Variants in PLAG1 observed in about 807,000 individuals in gnomAD.
PLAG1 encodes PLAG1 zinc finger, also known as zinc finger protein PLAG1.
In PLAG1, 7 loss-of-function variants were observed where a neutral mutation model predicts 35.5. That is an observed-to-expected ratio of 0.20 (90% CI 0.11 to 0.37). PLAG1 has a LOEUF of 0.37. Ranked by LOEUF, PLAG1 falls within the 10% of genes least tolerant of loss-of-function variation. The pLI is 1.00. For missense variants in PLAG1, 454 were observed against 602.8 expected (o/e 0.75, Z 2.58); for synonymous variants, 229 against 225.4 (o/e 1.02, Z -0.14).
chr8:56,183,268 T>C (rs1414035595), intron 1 of PLAG1, among the ~76,000 whole-genome samples: 1 of 152,204 alleles, frequency 6.6e-6, no homozygotes, highest in Non-Finnish European at 1.5e-5. Context: ...GATAATTCAT[T>C]TAGAAAAATT....
intron 1 of PLAG1, among the ~76,000 whole-genome samples, chr8:56,180,289 C>T (rs1811826889): frequency 1.3e-5 from 2 of 152,136 alleles, no homozygotes; most frequent in South Asian, 2.1e-4. Flanking sequence ...TACATGGTTA[C>T]CACTCTCCTA....
intron 1 of PLAG1, among the ~76,000 whole-genome samples, chr8:56,187,771 T>C (rs1812063855): frequency 1.3e-5 from 2 of 152,178 alleles, no homozygotes. Context: ...AGATTTGTAT[T>C]AAAAGTGATA....
rs1212132627 is a variant in PLAG1 at position 56,196,945 on chromosome 8, AGTGTGCGTGTGTGTGTGT to A, written c.-322+14158_-322+14175del. Among the ~76,000 whole-genome samples, 303 of 84,198 alleles carry A rather than the reference AGTGTGCGTGTGTGTGTGT, an allele frequency of 3.6e-3. 2 individuals carry two copies. The highest frequency in any genetic ancestry group is 0.012 in the African/African-American group (286 of 24,208). 55.2% of individuals were successfully genotyped at this position (84,198 alleles called of 152,430 possible). On this transcript the variant is annotated intron_variant, in intron 1 of 4. Transcript: ENST00000316981. ...GGGTGCAGGCACCCTCTCCCTCCCT[AGTGTGCGTGTGTGTGTGT>A]GTGTGTGTGTGTGTGTGTGTGTGTG... is the stretch of plus-strand genomic sequence containing the variant.
chr8:56,182,839 G>A (rs1195233482), intron 1 of PLAG1, among the ~76,000 whole-genome samples: 1 of 152,188 alleles, frequency 6.6e-6, no homozygotes, highest in Non-Finnish European at 1.5e-5. Context: ...GAAGAATCAG[G>A]GTAGAATGGG....
intron 1 of PLAG1, among the ~76,000 whole-genome samples, chr8:56,198,591 C>A (rs1812452604): frequency 6.6e-6 from 1 of 152,226 alleles, no homozygotes; most frequent in Non-Finnish European, 1.5e-5. Flanking sequence ...GCCCGGTCCC[C>A]TATCTCGCTC....
intron 1 of PLAG1, among the ~76,000 whole-genome samples, chr8:56,183,853 A>G (rs981171432): frequency 1.4e-4 from 21 of 152,222 alleles, no homozygotes; most frequent in African/African-American, 5.1e-4. Flanking sequence ...CATGAACCTA[A>G]ATATAAAACC....
At chr8:56,195,022 T>C (rs1197185192) in intron 1 of PLAG1, among the ~76,000 whole-genome samples, 1 of 152,064 alleles carries the variant, frequency 6.6e-6, no homozygotes, top group Non-Finnish European at 1.5e-5. Flanking sequence ...CTGCTGAGGG[T>C]GCATATCTGA....
chr8:56,163,652 T>C lies in PLAG1; in HGVS notation c.*2591A>G, dbSNP rs775028637. Reference sequence around the variant, plus strand: ...TATTTGAATTTCATGCAGGGCAAGATTTAAGTATGTGTGTGTGTGTGTATA... The same window carrying C: ...TATTTGAATTTCATGCAGGGCAAGACTTAAGTATGTGTGTGTGTGTGTATA... On this transcript the variant is annotated 3_prime_UTR_variant, in exon 5 of 5. Coordinates refer to ENST00000316981, the MANE Select transcript of PLAG1 (RefSeq NM_002655.3). 5.2e-6 allele frequency: 1 copy of C among 192,936 alleles called. No individual in the cohort carries two copies. The highest frequency in any genetic ancestry group is 1.1e-5 in the Non-Finnish European group (1 of 92,590). 12.0% of individuals were successfully genotyped at this position (192,936 alleles called of 1,614,324 possible).
rs1811866436 is a variant in PLAG1 at position 56,181,625 on chromosome 8, AC to A, written c.-321-2113del. Among the ~76,000 whole-genome samples the A allele has an allele frequency of 2.6e-5, 4 of 152,266 alleles. No homozygotes were observed. In the South Asian group the frequency reaches 8.3e-4, roughly 32 times the overall value. ...TTAGGAGAAATACCTAATATAGATG[AC>A]GGGTTGATGGGTGCAACAAACCACC... On this transcript the variant is annotated intron_variant, in intron 1 of 4. Coordinates refer to ENST00000316981, the MANE Select transcript of PLAG1 (RefSeq NM_002655.3).
intron 2 of PLAG1, among the ~76,000 whole-genome samples, chr8:56,178,572 C>G (rs1390649352): frequency 6.6e-6 from 1 of 152,060 alleles, no homozygotes; most frequent in East Asian, 1.9e-4. Flanking sequence ...ATTCGTGTAC[C>G]TTTGATTTGA....
intron 1 of PLAG1, among the ~76,000 whole-genome samples, chr8:56,205,890 T>C (rs575673016): frequency 9.8e-4 from 149 of 151,956 alleles, no homozygotes; most frequent in Non-Finnish European, 1.7e-3. Flanking sequence ...ATTTTTTAGG[T>C]AGTCATCTCA....
intron 1 of PLAG1, among the ~76,000 whole-genome samples, chr8:56,194,601 ATGTGTGTT>A (rs1563389702): frequency 6.6e-6 from 1 of 150,602 alleles, no homozygotes; most frequent in African/African-American, 2.4e-5. Flanking sequence ...GTGTGAATGT[ATGTGTGTT>A]TGTGTGTGTG....
chr8:56,193,695 C>CT (rs760038291), intron 1 of PLAG1, among the ~76,000 whole-genome samples: 4,801 of 130,786 alleles, frequency 0.037, 139 homozygotes, highest in African/African-American at 0.06. Context: ...ATTAGGTAAA[C>CT]TTTTTTTTTT....
intron 1 of PLAG1, among the ~76,000 whole-genome samples, chr8:56,194,127 AAC>A (rs1376542520): frequency 6.6e-6 from 1 of 152,082 alleles, no homozygotes; most frequent in Non-Finnish European, 1.5e-5. Flanking sequence ...CAGCCTGGCC[AAC>A]ATAGCGAAAC....
chr8:56,207,194 G>C (rs950037076), intron 1 of PLAG1, among the ~76,000 whole-genome samples: 2 of 151,808 alleles, frequency 1.3e-5, no homozygotes, highest in Non-Finnish European at 2.9e-5. Context: ...CAGCTCAAGA[G>C]GCAAATGATT....
intron 2 of PLAG1, among the ~76,000 whole-genome samples, chr8:56,172,544 A>ACACAT (rs1448173267): frequency 1.3e-5 from 2 of 152,234 alleles, no homozygotes; most frequent in Non-Finnish European, 2.9e-5. Context: ...ATGTTATTTT[A>ACACAT]AGAATATAAA....
chr8:56,204,441 C>T (rs1312203556), intron 1 of PLAG1, among the ~76,000 whole-genome samples: 1 of 151,744 alleles, frequency 6.6e-6, no homozygotes, highest in African/African-American at 2.4e-5. Flanking sequence ...TGATCAAGAA[C>T]AATTCAATAA....
chr8:56,166,569 C>G lies in PLAG1; in HGVS notation c.1177G>C (p.Asp393His). 2 of 1,613,822 alleles carry G rather than the reference C, an allele frequency of 1.2e-6. No individual in the cohort carries two copies. Among genetic ancestry groups the G allele is most frequent in the South Asian group, 2.2e-5 (2 of 91,034 alleles). Residue 393 changes from aspartate (D) to histidine (H), a missense_variant, in exon 5 of 5, where the codon GAT (aspartate) becomes CAT (histidine). By Grantham distance (81) the Asp-to-His change is moderately conservative. This residue lies in a region of PLAG1 where 271 missense variants were observed against 315.6 expected (regional missense o/e 0.86). Coordinates refer to ENST00000316981, the MANE Select transcript of PLAG1 (RefSeq NM_002655.3). Reference protein sequence around the residue: ...GLDPQIGSLDDGAGDLSLSKS... With the variant: ...GLDPQIGSLDHGAGDLSLSKS... The stretch of plus-strand genomic sequence containing the variant: ...GATAGGGAGAGGTCTCCTGCACCAT[C>G]ATCTAGGGACCCAATCTGAGGATCC...
chr8:56,208,077 T>A (rs1812746894), intron 1 of PLAG1, among the ~76,000 whole-genome samples: 1 of 152,136 alleles, frequency 6.6e-6, no homozygotes, highest in Non-Finnish European at 1.5e-5. Flanking sequence ...CTTCATTTTT[T>A]TATAGAGATT....
Sources: allele counts gnomAD v4.1 joint callset (sites outside exome capture counted in the v4.1 genomes callset), GRCh38; gene constraint gnomAD v4.1.1; regional missense constraint gnomAD v4.1.1; transcripts MANE v1.5; gene names NCBI Gene and HGNC (gene_info 2026-07-23, HGNC 2026-07-21).